Variants in NDUFA5 observed in about 807,000 individuals in gnomAD.
The protein encoded by NDUFA5 is NADH:ubiquinone oxidoreductase subunit A5.
In NDUFA5, 11 loss-of-function variants were observed where a neutral mutation model predicts 19.8. The observed-to-expected ratio is 0.56, with a 90% CI of 0.35 to 0.92. The LOEUF (loss-of-function observed/expected upper bound fraction) is 0.92. Ranked by LOEUF, NDUFA5 falls within the 40% of genes least tolerant of loss-of-function variation. NDUFA5 has a pLI of 0.01. For synonymous variants in NDUFA5, 47 were observed against 46.8 expected (o/e 1.00, Z -0.01); for missense variants, 109 against 134.2 (o/e 0.81, Z 0.93).
At chr7:123,557,583 G>A (rs377483694) in intron 1 of NDUFA5, 135 bp from the exon 2 acceptor site, 54 of 1,612,718 alleles carry the variant, frequency 3.3e-5, no homozygotes, top group Non-Finnish European at 4.6e-5. Context: ...AGTCTCGCTT[G>A]TTTGGAGCTT....
upstream of NDUFA5, among the ~76,000 whole-genome samples, chr7:123,559,858 A>C (rs1334174995): frequency 7.8e-6 from 1 of 127,736 alleles, no homozygotes; most frequent in East Asian, 2.1e-4. Context: ...TCCGTCTCAC[A>C]AAAAAAAAAA....
At chr7:123,597,326 C>A in the NDUFA5 span, among the ~76,000 whole-genome samples, 2 of 151,992 alleles carry the variant, frequency 1.3e-5, no homozygotes, top group African/African-American at 4.8e-5. Flanking sequence ...GTTCAAGGAA[C>A]CTTTATTTTA....
chr7:123,584,409 T>G, the NDUFA5 span, among the ~76,000 whole-genome samples: 7 of 151,764 alleles, frequency 4.6e-5, no homozygotes, highest in African/African-American at 7.3e-5. Flanking sequence ...GGCATCAGTG[T>G]TTTCTAAAGC....
At chr7:123,582,939 A>G in the NDUFA5 span, among the ~76,000 whole-genome samples, 1 of 152,086 alleles carries the variant, frequency 6.6e-6, no homozygotes, top group Non-Finnish European at 1.5e-5. Context: ...CCATGAAAGA[A>G]ACTAGTGTAA....
At chr7:123,557,205 A>G (rs1229230629) in intron 2 of NDUFA5, 199 bp downstream of exon 2, 1 of 778,396 alleles carries the variant, frequency 1.3e-6, no homozygotes, top group South Asian at 1.5e-5. Flanking sequence ...GGCTTAATAA[A>G]GAGGTCATGG....
chr7:123,571,999 G>A, the NDUFA5 span, among the ~76,000 whole-genome samples: 1 of 151,964 alleles, frequency 6.6e-6, no homozygotes, highest in African/African-American at 2.4e-5. Flanking sequence ...TCTTGCCCAG[G>A]CTAGTCTCAA....
chr7:123,566,768 T>C, the NDUFA5 span, among the ~76,000 whole-genome samples: 1 of 152,226 alleles, frequency 6.6e-6, no homozygotes, highest in Admixed American at 6.5e-5. Flanking sequence ...AAGGGACCTA[T>C]GTATTTGGAT....
chr7:123,552,626 A>C (rs1471297190), intron 2 of NDUFA5, among the ~76,000 whole-genome samples: 3 of 144,348 alleles, frequency 2.1e-5, no homozygotes, highest in Non-Finnish European at 4.5e-5. Flanking sequence ...CCCAGAACTT[A>C]AAGTATAACT....
rs764985598 is a variant in NDUFA5 at position 123,545,667 on chromosome 7, C to T, written c.193G>A (p.Val65Ile). The change falls in exon 4 of 5, where the codon GTT becomes ATT. Residue 65 changes from valine (V) to isoleucine (I), a missense_variant. Val to Ile is a conservative substitution (Grantham distance 29). Transcript: ENST00000355749. ...TGAAGTTGGTCTTCTAATTTTTTAA[C>T]ATCTGGTTCCTATAATTTCAGGGAG... ...KLAMVKAEPD[V>I]KKLEDQLQGG... 8.1e-6 allele frequency: 13 copies of T among 1,606,854 alleles called. No individual in the cohort carries two copies. The African/African-American group carries it at 1.3e-4, about 17-fold the overall frequency.
chr7:123,597,917 CGTGTGTGTGTGTGTGTGTGTGT>C, the NDUFA5 span, among the ~76,000 whole-genome samples: 55 of 133,072 alleles, frequency 4.1e-4, 1 homozygote, highest in Non-Finnish European at 3.1e-4. Context: ...TTTCAAACTT[CGTGTGTGTGTGTGTGTGTGTGT>C]GTGTGTGTGT....
the NDUFA5 span, among the ~76,000 whole-genome samples, chr7:123,574,535 C>A: frequency 6.6e-6 from 1 of 152,146 alleles, no homozygotes; most frequent in Non-Finnish European, 1.5e-5. Flanking sequence ...ACTTTAAGAA[C>A]CGCTAGTTAA....
At chr7:123,587,965 A>G in the NDUFA5 span, among the ~76,000 whole-genome samples, 1 of 151,724 alleles carries the variant, frequency 6.6e-6, no homozygotes. Context: ...TTTTGCATCT[A>G]TGTTCATCAG....
At chr7:123,554,050 T>C (rs1208523499) in intron 2 of NDUFA5, among the ~76,000 whole-genome samples, 2 of 152,180 alleles carry the variant, frequency 1.3e-5, no homozygotes, top group East Asian at 1.9e-4. Context: ...ATAGTTCTAT[T>C]TTCTTGAACT....
At chr7:123,549,830 C>G (rs1798267661) in intron 3 of NDUFA5, among the ~76,000 whole-genome samples, 1 of 152,074 alleles carries the variant, frequency 6.6e-6, no homozygotes, top group Non-Finnish European at 1.5e-5. Flanking sequence ...TGTTGCATAC[C>G]TAACGAAAGA....
chr7:123,601,221 C>T, the NDUFA5 span, among the ~76,000 whole-genome samples: 1 of 152,104 alleles, frequency 6.6e-6, no homozygotes, highest in African/African-American at 2.4e-5. Context: ...AACAACCTTC[C>T]TCAATTAAAA....
At chr7:123,558,583 A>T (rs1798640733), upstream of NDUFA5, among the ~76,000 whole-genome samples, 1 of 152,232 alleles carries the variant, frequency 6.6e-6, no homozygotes, top group Admixed American at 6.5e-5. Flanking sequence ...AATAACTAAA[A>T]AGCGTGGGTG....
At chr7:123,577,343 T>C in the NDUFA5 span, among the ~76,000 whole-genome samples, 15 of 152,178 alleles carry the variant, frequency 9.9e-5, no homozygotes, top group Non-Finnish European at 2.9e-5. Context: ...GTCACTTGTC[T>C]TGAACAAGCA....
chr7:123,595,394 A>G, the NDUFA5 span, among the ~76,000 whole-genome samples: 1 of 151,998 alleles, frequency 6.6e-6, no homozygotes, highest in Non-Finnish European at 1.5e-5. Flanking sequence ...ATCTTCCTAA[A>G]AGTTTGTCCT....
At chr7:123,593,022 T>C in the NDUFA5 span, among the ~76,000 whole-genome samples, 1 of 152,206 alleles carries the variant, frequency 6.6e-6, no homozygotes, top group South Asian at 2.1e-4. Context: ...TACCATTATG[T>C]AATGGTTTTC....
Sources: gnomAD v4.1 joint callset for allele counts (sites outside exome capture counted in the v4.1 genomes callset) on GRCh38, gnomAD v4.1.1 for gene constraint, MANE v1.5 for transcripts, NCBI Gene and HGNC (gene_info 2026-07-23, HGNC 2026-07-21) for gene names.